The following GLT1D1 variants were observed in gnomAD, a reference collection of about 807,000 sequenced individuals.
The protein encoded by GLT1D1 is glycosyltransferase 1 domain-containing protein 1.
A neutral mutation model predicts 28.7 loss-of-function variants in GLT1D1; 21 were observed. The ratio of observed to expected loss-of-function variants is 0.73; its 90% CI spans 0.52 to 1.05. GLT1D1 has a LOEUF of 1.05. GLT1D1 is among the 50% of genes least tolerant of loss of function. The pLI is 0.00. For missense variants in GLT1D1, 343 were observed against 330.6 expected, an observed-to-expected ratio of 1.04 and a Z score of -0.29; for synonymous variants, 147 against 124.8, an observed-to-expected ratio of 1.18 and a Z score of -1.19.
At chr12:128,855,281 GGCTT>G (rs1956189636) in intron 1 of GLT1D1, among the ~76,000 whole-genome samples, 1 of 151,030 alleles carries the variant, frequency 6.6e-6, no homozygotes, top group Non-Finnish European at 1.5e-5. Flanking sequence ...ACCTAGGGCA[GGCTT>G]TCATGGCGGC....
chr12:128,949,797 C>T (rs530276538), intron 6 of GLT1D1, among the ~76,000 whole-genome samples: 1 of 151,716 alleles, frequency 6.6e-6, no homozygotes, highest in Admixed American at 6.6e-5. Flanking sequence ...CACACATGCA[C>T]CTACAGATGC....
At chr12:128,938,049 TG>T (rs2135473151) in intron 4 of GLT1D1, among the ~76,000 whole-genome samples, 1 of 152,318 alleles carries the variant, frequency 6.6e-6, no homozygotes, top group Non-Finnish European at 1.5e-5. Flanking sequence ...GGAAATACTT[TG>T]GACAGAAACT....
At chr12:128,907,853 G>A (rs1440703014) in intron 4 of GLT1D1, among the ~76,000 whole-genome samples, 1 of 152,126 alleles carries the variant, frequency 6.6e-6, no homozygotes, top group African/African-American at 2.4e-5. Context: ...CACAAGTATT[G>A]TTTGTAATTC....
intron 4 of GLT1D1, among the ~76,000 whole-genome samples, chr12:128,942,724 C>T (rs79524447): frequency 0.085 from 11,741 of 138,806 alleles, 1,742 homozygotes; most frequent in African/African-American, 0.3. Context: ...CTTTAGATTC[C>T]AATTTTCTTT....
At chr12:128,854,689 G>T (rs1566073945) in intron 1 of GLT1D1, among the ~76,000 whole-genome samples, 1 of 151,944 alleles carries the variant, frequency 6.6e-6, no homozygotes, top group Non-Finnish European at 1.5e-5. Flanking sequence ...TAGAGACAGG[G>T]TTTCACCATG....
At chr12:128,862,267 T>C (rs944383152) in intron 1 of GLT1D1, among the ~76,000 whole-genome samples, 18 of 145,520 alleles carry the variant, frequency 1.2e-4, no homozygotes, top group African/African-American at 4.4e-4. Context: ...AGGTGGAGGC[T>C]GCAATGAGCC....
chr12:128,979,992 A>G (rs1880164032), intron 7 of GLT1D1, among the ~76,000 whole-genome samples: 1 of 152,208 alleles, frequency 6.6e-6, no homozygotes, highest in Non-Finnish European at 1.5e-5. Context: ...TACCAAATGC[A>G]TCTCACTCTC....
At chr12:128,908,346 CCCTTT>C (rs1566122363) in intron 4 of GLT1D1, among the ~76,000 whole-genome samples, 13 of 116,776 alleles carry the variant, frequency 1.1e-4, no homozygotes, top group African/African-American at 4.4e-4. Flanking sequence ...TTCTTTCTTT[CCCTTT>C]CTTTCTTTCT....
chr12:128,954,616 T>C (rs1286877255), intron 6 of GLT1D1, among the ~76,000 whole-genome samples: 1 of 152,174 alleles, frequency 6.6e-6, no homozygotes, highest in African/African-American at 2.4e-5. Flanking sequence ...TTTGCAGTTA[T>C]AACAATTCCC....
chr12:128,870,722 C>T (rs557369669), intron 1 of GLT1D1, among the ~76,000 whole-genome samples: 6 of 152,198 alleles, frequency 3.9e-5, no homozygotes, highest in African/African-American at 9.6e-5. Context: ...CTGGGCACGG[C>T]GGCACACGCA....
chr12:128,952,773 CTTTTTTTTTTTTTTT>C (rs71072430), intron 6 of GLT1D1, among the ~76,000 whole-genome samples: 2 of 58,936 alleles, frequency 3.4e-5, no homozygotes, highest in African/African-American at 1.6e-4. Context: ...CCGTGACTGG[CTTTTTTTTTTTTTTT>C]TTTTTTTTTT....
chr12:128,952,687 C>A (rs1005318889), intron 6 of GLT1D1, among the ~76,000 whole-genome samples: 2 of 143,538 alleles, frequency 1.4e-5, no homozygotes, highest in Admixed American at 7.1e-5. Flanking sequence ...GTTGGTCAGT[C>A]TGGTCTTGAA....
chr12:128,957,419 G>A (rs137899847), intron 6 of GLT1D1, 126 bp from the exon 11 acceptor site: 10,865 of 612,082 alleles, frequency 0.018, 139 homozygotes, highest in Middle Eastern at 0.031. Context: ...TTGGAAAGGC[G>A]TATTTTTTGT....
chr12:128,869,918 A>G (rs1352743930), intron 1 of GLT1D1, among the ~76,000 whole-genome samples: 1 of 150,034 alleles, frequency 6.7e-6, no homozygotes, highest in African/African-American at 2.5e-5. Flanking sequence ...TCTTTTAAAA[A>G]AGAGTTCCTG....
intron 7 of GLT1D1, among the ~76,000 whole-genome samples, chr12:128,981,335 G>A (rs1189811692): frequency 1.3e-5 from 2 of 152,206 alleles, no homozygotes; most frequent in African/African-American, 2.4e-5. Flanking sequence ...AGTAAGCAGA[G>A]CGGGGAAGGA....
At chr12:128,959,421 C>CGGGGGGGGGGG (rs1331322937) in intron 7 of GLT1D1, among the ~76,000 whole-genome samples, 1 of 9,942 alleles carries the variant, frequency 1.0e-4, no homozygotes, top group African/African-American at 4.7e-4. Flanking sequence ...TGGGGGGGGA[C>CGGGGGGGGGGG]GGGTGGGGAG....
chr12:128,900,798 G>C (rs1471652385), intron 4 of GLT1D1, among the ~76,000 whole-genome samples: 1 of 152,018 alleles, frequency 6.6e-6, no homozygotes, highest in Non-Finnish European at 1.5e-5. Context: ...ACCACACCCG[G>C]CTAATTTTTG....
intron 4 of GLT1D1, among the ~76,000 whole-genome samples, chr12:128,917,458 G>A (rs1442767355): frequency 6.6e-6 from 1 of 151,976 alleles, no homozygotes; most frequent in Non-Finnish European, 1.5e-5. Context: ...TGTATTTTTT[G>A]GAGAGAGAGG....
At chr12:128,887,145 C>T (rs1868488206) in intron 2 of GLT1D1, among the ~76,000 whole-genome samples, 1 of 151,644 alleles carries the variant, frequency 6.6e-6, no homozygotes, top group African/African-American at 2.4e-5. Flanking sequence ...CGGAGTAGGT[C>T]GGATTACAGG....
Sources: gnomAD v4.1 joint callset for allele counts (sites outside exome capture counted in the v4.1 genomes callset) on GRCh38, gnomAD v4.1.1 for gene constraint, MANE v1.5 for transcripts, NCBI Gene and HGNC (gene_info 2026-07-23, HGNC 2026-07-21) for gene names.